TMTC2: variants seen among roughly 807,000 people sequenced by gnomAD.
TMTC2 encodes protein O-mannosyl-transferase TMTC2.
In TMTC2, 43 loss-of-function variants were observed where a neutral mutation model predicts 82.4. That is an observed-to-expected ratio of 0.52 (90% CI 0.41 to 0.67). The LOEUF is 0.67. TMTC2 is among the 30% of genes least tolerant of loss of function. The probability of loss-of-function intolerance (pLI) is 0.00; values close to 1 mark genes in which losing one functional copy is unlikely to be tolerated. For synonymous variants in TMTC2, 408 were observed against 381.9 expected (o/e 1.07, Z -0.80); for missense variants, 919 against 1,012.4 (o/e 0.91, Z 1.25).
intron 11 of TMTC2, among the ~76,000 whole-genome samples, chr12:83,102,332 G>T (rs999941671): frequency 2.6e-5 from 4 of 152,172 alleles, no homozygotes; most frequent in Non-Finnish European, 5.9e-5. Flanking sequence ...TGCTCAAATA[G>T]AGCTGTATAA....
intron 9 of TMTC2, among the ~76,000 whole-genome samples, chr12:83,046,208 A>G (rs989969102): frequency 8.5e-5 from 13 of 152,132 alleles, no homozygotes; most frequent in Admixed American, 4.6e-4. Context: ...GCCAGATGCA[A>G]ATGATTACCA....
intron 2 of TMTC2, among the ~76,000 whole-genome samples, chr12:82,889,625 A>G (rs1004178169): frequency 6.6e-6 from 1 of 152,178 alleles, no homozygotes; most frequent in African/African-American, 2.4e-5. Context: ...ATTTTTCACA[A>G]AAATATTTTT....
chr12:83,039,064 C>T (rs1052711059), intron 9 of TMTC2, among the ~76,000 whole-genome samples: 13 of 151,536 alleles, frequency 8.6e-5, no homozygotes, highest in Admixed American at 1.3e-4. Context: ...CCCGAATAGC[C>T]GGTATTATAG....
chr12:82,940,128 C>T (rs1017647141), intron 4 of TMTC2, among the ~76,000 whole-genome samples: 1 of 145,930 alleles, frequency 6.9e-6, no homozygotes, highest in Non-Finnish European at 1.5e-5. Context: ...TCAAGCCATT[C>T]TGCCTCAGCC....
intron 9 of TMTC2, among the ~76,000 whole-genome samples, chr12:83,044,047 T>A (rs1297948762): frequency 6.6e-6 from 1 of 152,200 alleles, no homozygotes; most frequent in African/African-American, 2.4e-5. Flanking sequence ...CCGCCATTCA[T>A]AGAAACTTCA....
chr12:83,113,503 G>A (rs138094186), intron 11 of TMTC2, among the ~76,000 whole-genome samples: 2 of 152,324 alleles, frequency 1.3e-5, no homozygotes, highest in African/African-American at 4.8e-5. Context: ...CCTTTACTAT[G>A]TGAGCAGCAG....
At chr12:82,773,338 T>C (rs554995777) in intron 1 of TMTC2, among the ~76,000 whole-genome samples, 1 of 152,318 alleles carries the variant, frequency 6.6e-6, no homozygotes, top group South Asian at 2.1e-4. Context: ...TAAAATGTGT[T>C]TGTGATAAAT....
intron 1 of TMTC2, among the ~76,000 whole-genome samples, chr12:82,705,290 T>C (rs1457247605): frequency 6.6e-6 from 1 of 152,170 alleles, no homozygotes; most frequent in Non-Finnish European, 1.5e-5. Context: ...CTAAAGAACT[T>C]ACTCGTAACC....
At chr12:82,975,544 A>C (rs902339219) in intron 7 of TMTC2, among the ~76,000 whole-genome samples, 16 of 152,182 alleles carry the variant, frequency 1.1e-4, no homozygotes, top group Admixed American at 8.5e-4. Flanking sequence ...ATTATTATAG[A>C]ATCTTATTCT....
At chr12:83,025,936 C>T (rs1271140006) in intron 8 of TMTC2, among the ~76,000 whole-genome samples, 1 of 152,198 alleles carries the variant, frequency 6.6e-6, no homozygotes, top group East Asian at 1.9e-4. Context: ...GTGTGCCACC[C>T]TACTGGGGTA....
chr12:82,992,232 C>T (rs1879432697), intron 8 of TMTC2, among the ~76,000 whole-genome samples: 1 of 152,106 alleles, frequency 6.6e-6, no homozygotes, highest in Non-Finnish European at 1.5e-5. Flanking sequence ...TTTCCATGGG[C>T]CTTTTGCTAT....
chr12:82,966,413 C>T (rs1035520728), intron 6 of TMTC2, among the ~76,000 whole-genome samples: 2 of 151,962 alleles, frequency 1.3e-5, no homozygotes, highest in South Asian at 2.1e-4. Context: ...CTCCCACTCA[C>T]GTACTCTTAT....
intron 11 of TMTC2, among the ~76,000 whole-genome samples, chr12:83,081,152 A>T (rs1007372514): frequency 2.0e-5 from 3 of 152,240 alleles, no homozygotes; most frequent in Non-Finnish European, 4.4e-5. Context: ...CAGCTTATGC[A>T]ACAATGTCTG....
intron 1 of TMTC2, among the ~76,000 whole-genome samples, chr12:82,807,681 T>A (rs1176012403): frequency 6.6e-6 from 1 of 152,044 alleles, no homozygotes; most frequent in Non-Finnish European, 1.5e-5. Flanking sequence ...GTAGAATGTG[T>A]CCTTACAGAA....
chr12:82,863,191 T>C (rs1871638108), intron 2 of TMTC2, among the ~76,000 whole-genome samples: 1 of 151,228 alleles, frequency 6.6e-6, no homozygotes, highest in Non-Finnish European at 1.5e-5. Context: ...TTGAATGAAA[T>C]ATGATATATT....
chr12:82,900,712 A>AATATATATCTCTGGAAT (rs1565800783), intron 3 of TMTC2, among the ~76,000 whole-genome samples: 142 of 102,250 alleles, frequency 1.4e-3, no homozygotes, highest in African/African-American at 6.4e-3. Context: ...ATATCTCTGG[A>AATATATATCTCTGGAAT]ATATATATAT....
chr12:82,781,848 CTTTAG>C (rs1003091405), intron 1 of TMTC2, among the ~76,000 whole-genome samples: 1 of 151,794 alleles, frequency 6.6e-6, no homozygotes, highest in African/African-American at 2.4e-5. Flanking sequence ...TTGACCTCCT[CTTTAG>C]TTTAGTGACC....
At chr12:83,017,059 G>A (rs923696487) in intron 8 of TMTC2, among the ~76,000 whole-genome samples, 8 of 152,200 alleles carry the variant, frequency 5.3e-5, no homozygotes, top group African/African-American at 1.9e-4. Flanking sequence ...TGGAGAAGAT[G>A]AATGGAAACT....
Position 82,885,938 on chromosome 12 carries a change from G to A in TMTC2, c.655-9880G>A, listed in dbSNP as rs76970774. Among the ~76,000 whole-genome samples the A allele has an allele frequency of 7.0e-3, 1,062 of 152,230 alleles. 12 individuals carry two copies. The highest frequency in any genetic ancestry group is 0.016 in the Admixed American group (242 of 15,282). On this transcript the variant is annotated intron_variant, in intron 2 of 11. Coordinates refer to ENST00000321196, the MANE Select transcript of TMTC2 (RefSeq NM_152588.3). ...GGGAATTATGCTCCCCTTTTTTGAG[G>A]TTGGAGAATATATATAAGTTATTTG...
Sources: gnomAD v4.1 joint callset for allele counts (sites outside exome capture counted in the v4.1 genomes callset) on GRCh38, gnomAD v4.1.1 for gene constraint, MANE v1.5 for transcripts, NCBI Gene and HGNC (gene_info 2026-07-23, HGNC 2026-07-21) for gene names.